The following ARL10 variants were observed in gnomAD, a reference collection of about 807,000 sequenced individuals.
ARL10 encodes ARF like GTPase 10.
A neutral mutation model predicts 26.1 loss-of-function variants in ARL10; 23 were observed. That is an observed-to-expected ratio of 0.88 (90% confidence interval 0.63 to 1.25). The LOEUF (loss-of-function observed/expected upper bound fraction) is 1.25, where lower values mean the gene tolerates loss of function less well. Ranked by LOEUF, ARL10 falls within the 50% of genes most tolerant of loss-of-function variation. ARL10 has a pLI of 0.00. For missense variants in ARL10, 300 were observed against 323.6 expected (o/e 0.93, Z 0.56); for synonymous variants, 138 against 149.1 (o/e 0.93, Z 0.54).
intron 3 of ARL10, 97 bp downstream of exon 3, chr5:176,369,079 G>A (rs781000200): frequency 6.5e-7 from 1 of 1,548,262 alleles, no homozygotes; most frequent in East Asian, 2.4e-5. Flanking sequence ...GGCCTGGAGA[G>A]GGTGGCTGAG....
chr5:176,383,898 G>T, downstream of ARL10: 2 of 1,386,300 alleles, frequency 1.4e-6, no homozygotes, highest in Non-Finnish European at 1.9e-6. Context: ...CACCGGGGCA[G>T]CCCCAGGGTT....
At chr5:176,412,073 G>A in the ARL10 span, among the ~76,000 whole-genome samples, 10 of 152,030 alleles carry the variant, frequency 6.6e-5, no homozygotes, top group African/African-American at 2.4e-4. Context: ...CCACTCGGGA[G>A]GCTGAGGCAG....
At chr5:176,384,619 T>G (rs1000108407), downstream of ARL10, 3 of 537,076 alleles carry the variant, frequency 5.6e-6, no homozygotes, top group Non-Finnish European at 9.9e-6. Flanking sequence ...AGACCCTGTC[T>G]CTCCAAAAAC....
rs1768585638 is a variant in ARL10 at position 176,372,821 on chromosome 5, G to C, written c.*926G>C. ...TATTTATTAATTTATAAGCAGAACA[G>C]GCCAGAGTTCTAGGCTCTGTTTCTA... On this transcript the variant is annotated 3_prime_UTR_variant, in exon 4 of 4. Transcript: ENST00000310389. 2 of 398,514 alleles carry C rather than the reference G, an allele frequency of 5.0e-6. No homozygotes were observed. The highest frequency in any genetic ancestry group is 8.8e-6 in the Non-Finnish European group (2 of 226,038). 24.7% of individuals were successfully genotyped at this position (398,514 alleles called of 1,614,324 possible).
intron 1 of ARL10, chr5:176,386,990 A>C: frequency 8.2e-7 from 1 of 1,225,982 alleles, no homozygotes; most frequent in Non-Finnish European, 1.2e-6. Flanking sequence ...CAACACAACT[A>C]CTAACCCATA....
At position 176,379,914 on chromosome 5, in the gene ARL10, G is replaced by A. The variant is rs1417438654; in HGVS notation, c.*8019G>A. 6.6e-6 allele frequency: 1 copy of A among 152,170 alleles called. No individual in the cohort carries two copies. Among genetic ancestry groups the A allele is most frequent in the Non-Finnish European group, 1.5e-5 (1 of 68,030 alleles). 9.4% of individuals were successfully genotyped at this position (152,170 alleles called of 1,614,324 possible). A position where few individuals can be genotyped will look rare whatever the true frequency, so the allele number is the denominator to read the frequency against. ...CATGTGAATAAATTGGTAAAGATTAGAGAGTCCTGAATCATAAGCTCTTAT... is the reference window on the plus strand; with the variant it reads ...CATGTGAATAAATTGGTAAAGATTAAAGAGTCCTGAATCATAAGCTCTTAT... On this transcript the variant is annotated 3_prime_UTR_variant, in exon 4 of 4. Transcript: ENST00000310389.
In ARL10 at chr5:176,379,184, T is replaced by C. The variant is rs953404654; in HGVS notation, c.*7289T>C. 6.6e-6 allele frequency: 1 copy of C among 152,196 alleles called. No individual in the cohort carries two copies. Among genetic ancestry groups the C allele is most frequent in the Non-Finnish European group, 1.5e-5 (1 of 68,042 alleles). 9.4% of individuals were successfully genotyped at this position (152,196 alleles called of 1,614,324 possible). ...ATGTATGTATGTATGTATTTATTTT[T>C]TGAGATGGAGTTTTGCTCTTCTTGC... On this transcript the variant is annotated 3_prime_UTR_variant, in exon 4 of 4. Coordinates refer to ENST00000310389, the MANE Select transcript of ARL10 (RefSeq NM_173664.6).
intron 1 of ARL10, chr5:176,386,984 A>G (rs756946627): frequency 2.5e-5 from 32 of 1,270,618 alleles, no homozygotes; most frequent in South Asian, 1.1e-4. Flanking sequence ...TTATCCCAAC[A>G]CAACTACTAA....
rs58995259 is a variant in ARL10 at position 176,394,688 on chromosome 5, A to G, written c.134-7053A>G. ...AAATTAGCCGGGCATGGTGGCGGGCACCTGTAGTCCCAGCTACTCAGGAGG... is the reference window on the plus strand; with the variant it reads ...AAATTAGCCGGGCATGGTGGCGGGCGCCTGTAGTCCCAGCTACTCAGGAGG... On this transcript the variant is annotated intron_variant, in intron 1 of 1. Transcript: ENST00000514533. 4.1e-3 allele frequency among the ~76,000 whole-genome samples: 622 copies of G among 152,100 alleles called. 5 individuals are homozygous for G. The highest frequency in any genetic ancestry group is 0.012 in the African/African-American group (494 of 41,478).
intron 1 of ARL10, among the ~76,000 whole-genome samples, chr5:176,396,888 T>C (rs900930773): frequency 3.9e-5 from 6 of 152,124 alleles, no homozygotes; most frequent in African/African-American, 1.4e-4. Flanking sequence ...CCTGGCCCCC[T>C]GTTGCCTAAT....
the ARL10 span, among the ~76,000 whole-genome samples, chr5:176,408,395 G>A: frequency 6.6e-6 from 1 of 152,018 alleles, no homozygotes; most frequent in Non-Finnish European, 1.5e-5. Flanking sequence ...GATTAGCTAG[G>A]CGTGGTGGCG....
At chr5:176,385,519 C>T (rs1755773047), downstream of ARL10, among the ~76,000 whole-genome samples, 2 of 152,216 alleles carry the variant, frequency 1.3e-5, no homozygotes, top group Admixed American at 6.5e-5. Flanking sequence ...CAGACTCTGT[C>T]TCCTATGACC....
At chr5:176,408,338 C>T in the ARL10 span, among the ~76,000 whole-genome samples, 1 of 151,668 alleles carries the variant, frequency 6.6e-6, no homozygotes, top group East Asian at 1.9e-4. Flanking sequence ...AGTTCGAGAC[C>T]AGCCTGGCCA....
chr5:176,398,700 A>G (rs545126098), intron 1 of ARL10, among the ~76,000 whole-genome samples: 2 of 152,180 alleles, frequency 1.3e-5, no homozygotes, highest in East Asian at 3.9e-4. Flanking sequence ...CAACAAGAGC[A>G]AAACCCCGTC....
intron 1 of ARL10, chr5:176,386,936 A>T: frequency 6.2e-7 from 1 of 1,605,396 alleles, no homozygotes; most frequent in Non-Finnish European, 8.5e-7. Context: ...CCTTGAGACC[A>T]GAAGGATCTT....
intron 3 of ARL10, among the ~76,000 whole-genome samples, chr5:176,371,283 G>A (rs1463067922): frequency 6.6e-6 from 1 of 152,200 alleles, no homozygotes; most frequent in Non-Finnish European, 1.5e-5. Context: ...GCTGAAGCAG[G>A]AGAATCGCTT....
downstream of ARL10, chr5:176,388,655 G>C (rs113014831): frequency 5.2e-6 from 7 of 1,343,688 alleles, no homozygotes; most frequent in African/African-American, 2.9e-5. Context: ...GGGAAATGTA[G>C]TCCTTTTGTA....
downstream of ARL10, chr5:176,406,781 C>G (rs1171891437): frequency 8.7e-7 from 1 of 1,153,616 alleles, no homozygotes; most frequent in African/African-American, 1.6e-5. Flanking sequence ...TGTGCACAGG[C>G]CAAGGTTTCT....
downstream of ARL10, among the ~76,000 whole-genome samples, chr5:176,405,034 G>C (rs766968794): frequency 2.1e-4 from 32 of 152,164 alleles, no homozygotes; most frequent in Non-Finnish European, 4.0e-4. Flanking sequence ...AACATCACAG[G>C]GAGTTGGGAG....
Sources: gnomAD v4.1 joint callset for allele counts (sites outside exome capture counted in the v4.1 genomes callset) on GRCh38, gnomAD v4.1.1 for gene constraint, MANE v1.5 for transcripts, NCBI Gene and HGNC (gene_info 2026-07-23, HGNC 2026-07-21) for gene names.